NDUFS4: variants seen among roughly 807,000 people sequenced by gnomAD.
The protein encoded by NDUFS4 is NADH:ubiquinone oxidoreductase subunit S4, also known as NADH dehydrogenase [ubiquinone] iron-sulfur protein 4, mitochondrial.
NDUFS4 carries 28 observed loss-of-function variants against 24.3 expected under a neutral mutation model. The ratio of observed to expected loss-of-function variants is 1.15; its 90% CI spans 0.85 to 1.58. The LOEUF is 1.58. NDUFS4 is among the 40% of genes most tolerant of loss of function. The pLI is 0.00. For synonymous variants in NDUFS4, 93 were observed against 69.7 expected (o/e 1.34, Z -1.67); for missense variants, 223 against 207.9 (o/e 1.07, Z -0.45).
intron 3 of NDUFS4, among the ~76,000 whole-genome samples, chr5:53,655,641 A>G (rs1030523649): frequency 2.0e-5 from 3 of 152,196 alleles, no homozygotes; most frequent in African/African-American, 7.2e-5. Context: ...AGAGATAACA[A>G]TAATCTATTA....
At position 53,637,310 on chromosome 5, in the gene NDUFS4, T is replaced by G. The variant is rs1159402402; in HGVS notation, c.178-8923T>G. On this transcript the variant is annotated intron_variant, in intron 2 of 4. Transcript: ENST00000296684. ...CCATGTATTCAAGTTACCAGGCCAG[T>G]TTTTTTACCCCTAAGGGGCTTTTAT... Among the ~76,000 whole-genome samples the G allele has an allele frequency of 1.1e-4, 17 of 151,860 alleles. No individual in the cohort carries two copies. The East Asian group carries it at 3.1e-3, about 28-fold the overall frequency.
At chr5:53,661,118 G>A (rs1187965383) in intron 4 of NDUFS4, among the ~76,000 whole-genome samples, 2 of 152,260 alleles carry the variant, frequency 1.3e-5, no homozygotes, top group East Asian at 1.9e-4. Context: ...TTCTTCTAGG[G>A]TTTTTATGGT....
At chr5:53,630,516 C>T (rs1183217303) in intron 2 of NDUFS4, among the ~76,000 whole-genome samples, 2 of 152,116 alleles carry the variant, frequency 1.3e-5, no homozygotes, top group African/African-American at 4.8e-5. Context: ...TCAGGTACAC[C>T]AATCAAACGT....
At chr5:53,644,647 C>T (rs1751805170) in intron 2 of NDUFS4, among the ~76,000 whole-genome samples, 1 of 151,970 alleles carries the variant, frequency 6.6e-6, no homozygotes, top group African/African-American at 2.4e-5. Context: ...TATTTCACAC[C>T]TTTAAAAATT....
intron 3 of NDUFS4, among the ~76,000 whole-genome samples, chr5:53,656,570 C>T (rs1752166052): frequency 1.3e-5 from 2 of 152,112 alleles, no homozygotes; most frequent in Admixed American, 1.3e-4. Context: ...GGAAAGTACA[C>T]CTTGCATTTA....
chr5:53,627,238 A>G (rs189973720), intron 2 of NDUFS4, among the ~76,000 whole-genome samples: 20 of 152,228 alleles, frequency 1.3e-4, no homozygotes, highest in African/African-American at 2.9e-4. Flanking sequence ...CCATTGGTCT[A>G]TATATCTGTT....
chr5:53,610,320 T>C (rs528481249), intron 2 of NDUFS4, among the ~76,000 whole-genome samples: 1 of 152,096 alleles, frequency 6.6e-6, no homozygotes, highest in African/African-American at 2.4e-5. Context: ...CTTTATTAAT[T>C]TAGTTTGCTA....
chr5:53,673,638 A>G lies in NDUFS4; in HGVS notation c.425-9480A>G, dbSNP rs140683906. ...AGTCACTTTACTTGAGGACATAACT[A>G]TTCTTTTTCCTTTAATAAACAAAAA... On this transcript the variant is annotated intron_variant, in intron 4 of 4. Transcript: ENST00000296684. 4.4e-3 allele frequency among the ~76,000 whole-genome samples: 664 copies of G among 152,276 alleles called. 5 individuals are homozygous for G. The highest frequency in any genetic ancestry group is 0.015 in the African/African-American group (620 of 41,572).
chr5:53,607,742 A>G (rs890818421), intron 2 of NDUFS4, among the ~76,000 whole-genome samples: 1 of 152,314 alleles, frequency 6.6e-6, no homozygotes, highest in South Asian at 2.1e-4. Context: ...TTCTAACTAC[A>G]TATCTGTATG....
chr5:53,599,000 G>C (rs1401463870), intron 1 of NDUFS4, among the ~76,000 whole-genome samples: 1 of 152,042 alleles, frequency 6.6e-6, no homozygotes. Context: ...CAAAAATAAA[G>C]GCAAACCCAT....
chr5:53,648,353 G>A (rs1404261016), intron 3 of NDUFS4, among the ~76,000 whole-genome samples: 2 of 152,174 alleles, frequency 1.3e-5, no homozygotes, highest in African/African-American at 4.8e-5. Flanking sequence ...ACAGAAAACT[G>A]AATCTACCCA....
intron 1 of NDUFS4, among the ~76,000 whole-genome samples, chr5:53,602,489 G>A (rs1369476052): frequency 6.6e-6 from 1 of 151,848 alleles, no homozygotes. Flanking sequence ...AATTAAGAAG[G>A]TTTTCTATAT....
chr5:53,664,173 G>A (rs112510152), intron 4 of NDUFS4, among the ~76,000 whole-genome samples: 39,916 of 152,078 alleles, frequency 0.26, 5,896 homozygotes, highest in Admixed American at 0.35. Context: ...CACTCTTCTG[G>A]CTTGTAGAGC....
Position 53,682,138 on chromosome 5 carries a change from G to A in NDUFS4, c.425-980G>A, listed in dbSNP as rs538649237. Among the ~76,000 whole-genome samples the A allele has an allele frequency of 3.9e-5, 6 of 152,188 alleles. No homozygotes were observed. In the East Asian group the frequency reaches 9.6e-4, roughly 24 times the overall value. On this transcript the variant is annotated intron_variant, in intron 4 of 4. Coordinates refer to ENST00000296684, the MANE Select transcript of NDUFS4 (RefSeq NM_002495.4). ...GGGAAAATGGATTTTATGAAGAAAA[G>A]TGAATGTTATAGGGGTTGCCTAGCT...
chr5:53,568,335 G>A (rs1749105939), intron 1 of NDUFS4, among the ~76,000 whole-genome samples: 1 of 151,998 alleles, frequency 6.6e-6, no homozygotes, highest in African/African-American at 2.4e-5. Flanking sequence ...TTAGGTTGAG[G>A]CTTAGCTCTA....
chr5:53,676,537 A>C (rs557112176), intron 4 of NDUFS4, among the ~76,000 whole-genome samples: 12 of 152,230 alleles, frequency 7.9e-5, no homozygotes, highest in Admixed American at 3.9e-4. Context: ...ATATTGGCAC[A>C]TCACAGCTTT....
chr5:53,665,261 G>T (rs1752479118), intron 4 of NDUFS4, among the ~76,000 whole-genome samples: 1 of 152,168 alleles, frequency 6.6e-6, no homozygotes, highest in Non-Finnish European at 1.5e-5. Flanking sequence ...TCCCAGTTAG[G>T]CTACTCAGGG....
At chr5:53,568,970 A>G (rs1436774108) in intron 1 of NDUFS4, among the ~76,000 whole-genome samples, 1 of 152,164 alleles carries the variant, frequency 6.6e-6, no homozygotes, top group Non-Finnish European at 1.5e-5. Context: ...GCCACTTCAC[A>G]CATAAGTAAA....
chr5:53,607,596 C>T (rs1475846847), intron 2 of NDUFS4, among the ~76,000 whole-genome samples: 1 of 152,046 alleles, frequency 6.6e-6, no homozygotes, highest in African/African-American at 2.4e-5. Context: ...CCTCTATGAA[C>T]TAGTATTTTT....
Sources: gnomAD v4.1 joint callset for allele counts (sites outside exome capture counted in the v4.1 genomes callset) on GRCh38, gnomAD v4.1.1 for gene constraint, MANE v1.5 for transcripts, NCBI Gene and HGNC (gene_info 2026-07-23, HGNC 2026-07-21) for gene names.